The following CCDC25 variants were observed in gnomAD, a reference collection of about 807,000 sequenced individuals.
CCDC25 encodes the protein coiled-coil domain containing 25.
In CCDC25, 16 loss-of-function variants were observed where a neutral mutation model predicts 35.3. The observed-to-expected ratio is 0.45, with a 90% CI of 0.31 to 0.69. CCDC25 has a LOEUF of 0.69. Among genes scored for constraint, CCDC25 ranks in the 30% least tolerant of loss-of-function variants. The probability of loss-of-function intolerance (pLI) is 0.06; values close to 1 mark genes in which losing one functional copy is unlikely to be tolerated. For missense variants in CCDC25, 179 were observed against 250.7 expected (o/e 0.71, Z 1.93); for synonymous variants, 79 against 80.3 (o/e 0.98, Z 0.09).
At chr8:27,766,140 T>G (rs1022048436) in intron 1 of CCDC25, among the ~76,000 whole-genome samples, 3 of 152,220 alleles carry the variant, frequency 2.0e-5, no homozygotes, top group Non-Finnish European at 4.4e-5. Flanking sequence ...ACTAAACTCC[T>G]GAATTCATAG....
Position 27,740,028 on chromosome 8 carries a change from C to T in CCDC25, c.597+444G>A, listed in dbSNP as rs959767353. Among the ~76,000 whole-genome samples the T allele has an allele frequency of 3.3e-5, 5 of 152,138 alleles. No individual in the cohort carries two copies. The East Asian group carries it at 9.6e-4, about 29-fold the overall frequency. On this transcript the variant is annotated intron_variant, in intron 8 of 8. Coordinates refer to ENST00000356537, the MANE Select transcript of CCDC25 (RefSeq NM_018246.3). The stretch of plus-strand genomic sequence containing the variant: ...AAAACAAACAATTTTGTCACTTAGG[C>T]TTCACTGAGTCACATAAGATCTTAG...
In CCDC25 at chr8:27,769,321, C is replaced by T. The variant is rs1404592437; in HGVS notation, c.28+3192G>A. On this transcript the variant is annotated intron_variant, in intron 1 of 8. Transcript: ENST00000356537. ...GAAGTCAATGAAAAAAAAACAGGAC[C>T]CACAAATCTAGTGAAGCATTTTGCT... is the stretch of plus-strand genomic sequence containing the variant. 2.6e-5 allele frequency among the ~76,000 whole-genome samples: 4 copies of T among 152,072 alleles called. No individual in the cohort carries two copies. In the South Asian group the frequency reaches 6.2e-4, roughly 24 times the overall value.
At chr8:27,765,584 T>C (rs924169697) in intron 1 of CCDC25, among the ~76,000 whole-genome samples, 3 of 151,874 alleles carry the variant, frequency 2.0e-5, no homozygotes, top group African/African-American at 4.8e-5. Context: ...TACAGTTCAA[T>C]GGTATCGCCA....
rs1803166446 is a variant in CCDC25, at chr8:27,734,933, G to A, written c.*1283C>T. On this transcript the variant is annotated 3_prime_UTR_variant, in exon 9 of 9. Transcript: ENST00000356537. The stretch of plus-strand genomic sequence containing the variant: ...AAGATGATAGCCCCGTACAGAACCT[G>A]TCAGACTGAGCCTATGATGAATGAG... 6.6e-6 allele frequency: 1 copy of A among 152,154 alleles called. No individual in the cohort carries two copies. Among genetic ancestry groups the A allele is most frequent in the Admixed American group, 6.5e-5 (1 of 15,280 alleles). The allele number at this position is 152,154 out of a possible 1,614,324, so 9.4% of individuals were successfully genotyped here.
At chr8:27,745,711 T>C (rs1012195144) in intron 7 of CCDC25, among the ~76,000 whole-genome samples, 1 of 152,246 alleles carries the variant, frequency 6.6e-6, no homozygotes, top group African/African-American at 2.4e-5. Context: ...AAGCAAAGAC[T>C]TGCAATGTCA....
rs1232363856 is a variant in CCDC25, at chr8:27,736,140, A to G, written c.*76T>C. 18 of 1,405,246 alleles carry G rather than the reference A, an allele frequency of 1.3e-5. 1 individual carries two copies. The highest frequency in any genetic ancestry group is 1.8e-5 in the Non-Finnish European group (18 of 1,013,752). The allele number at this position is 1,405,246 out of a possible 1,614,324, so 87.0% of individuals were successfully genotyped here. On this transcript the variant is annotated 3_prime_UTR_variant, in exon 9 of 9. Transcript: ENST00000356537. ...TTTTGGTTGTATTTTATATTTCAGA[A>G]CACAGATGAAACCAAAAGGTCTGCA... is the stretch of plus-strand genomic sequence containing the variant.
At chr8:27,744,705 A>C (rs1273701622) in intron 7 of CCDC25, among the ~76,000 whole-genome samples, 1 of 152,176 alleles carries the variant, frequency 6.6e-6, no homozygotes, top group Non-Finnish European at 1.5e-5. Flanking sequence ...TCACTTGCCT[A>C]TGTGTGACCT....
At chr8:27,767,995 A>G (rs1165092811) in intron 1 of CCDC25, among the ~76,000 whole-genome samples, 1 of 151,954 alleles carries the variant, frequency 6.6e-6, no homozygotes, top group African/African-American at 2.4e-5. Context: ...TGGGCCCAGG[A>G]GCTCGGGACC....
intron 3 of CCDC25, 26 bp from the exon 4 acceptor site, chr8:27,756,796 G>C (rs900670181): frequency 2.5e-5 from 39 of 1,570,420 alleles, no homozygotes; most frequent in Non-Finnish European, 3.4e-5. Context: ...ACCACTTTTA[G>C]CAAGAGGTAC....
chr8:27,759,790 A>AG (rs916671785), intron 3 of CCDC25, among the ~76,000 whole-genome samples: 2 of 150,496 alleles, frequency 1.3e-5, no homozygotes, highest in African/African-American at 4.9e-5. Context: ...AAAAAAAAAA[A>AG]AAAAAAAAAG....
chr8:27,751,033 T>C (rs1321178479), intron 5 of CCDC25, among the ~76,000 whole-genome samples: 2 of 152,348 alleles, frequency 1.3e-5, no homozygotes, highest in South Asian at 2.1e-4. Context: ...CCTTATTTGC[T>C]AGCTGAGCTA....
At chr8:27,760,595 C>G (rs760966840) in intron 3 of CCDC25, among the ~76,000 whole-genome samples, 2 of 152,134 alleles carry the variant, frequency 1.3e-5, no homozygotes, top group Non-Finnish European at 2.9e-5. Context: ...TGTGCCAGGA[C>G]CTATGCTAGG....
At chr8:27,750,631 C>T (rs1288817123) in intron 5 of CCDC25, among the ~76,000 whole-genome samples, 3 of 152,110 alleles carry the variant, frequency 2.0e-5, no homozygotes, top group Non-Finnish European at 4.4e-5. Flanking sequence ...GTGTGAAATA[C>T]GTGAAGGGAA....
intron 7 of CCDC25, among the ~76,000 whole-genome samples, chr8:27,741,452 G>A (rs956613250): frequency 1.1e-4 from 16 of 152,286 alleles, no homozygotes; most frequent in Non-Finnish European, 1.9e-4. Flanking sequence ...AGGCCAACGC[G>A]GGCAGATCAC....
At chr8:27,749,020 G>A (rs191381288) in intron 5 of CCDC25, among the ~76,000 whole-genome samples, 1 of 152,268 alleles carries the variant, frequency 6.6e-6, no homozygotes, top group East Asian at 1.9e-4. Flanking sequence ...ACTACCACGA[G>A]CTAGCCGAGC....
intron 7 of CCDC25, among the ~76,000 whole-genome samples, chr8:27,744,314 G>A (rs1300923214): frequency 6.6e-6 from 1 of 152,080 alleles, no homozygotes; most frequent in Non-Finnish European, 1.5e-5. Context: ...TATTCATGAC[G>A]TATGACTAGT....
chr8:27,752,043 T>C (rs560827248), intron 5 of CCDC25, among the ~76,000 whole-genome samples: 53 of 152,238 alleles, frequency 3.5e-4, no homozygotes, highest in Non-Finnish European at 6.3e-4. Context: ...GGAAAAAGTA[T>C]GTAAGAGGAG....
intron 3 of CCDC25, among the ~76,000 whole-genome samples, chr8:27,759,376 G>C (rs534161532): frequency 2.6e-5 from 4 of 152,296 alleles, no homozygotes; most frequent in African/African-American, 9.6e-5. Flanking sequence ...GGAGGCCGAG[G>C]TGGGTGGATC....
In CCDC25 at chr8:27,737,130, A is replaced by G. The variant is rs1803260203; in HGVS notation, c.598-885T>C. Among the ~76,000 whole-genome samples the G allele has an allele frequency of 6.6e-6, 1 of 152,160 alleles. No homozygotes were observed. On this transcript the variant is annotated intron_variant, in intron 8 of 8. Transcript: ENST00000356537. The surrounding 1 kb of genome is among the most constrained non-coding windows in gnomAD (Gnocchi z 4.6). The stretch of plus-strand genomic sequence containing the variant: ...CCTGTGAAGTCTGGTTTTAGCTCCA[A>G]CTTCACTTAGTGGTTTTCTCTGTGG...
Sources: allele counts gnomAD v4.1 joint callset (sites outside exome capture counted in the v4.1 genomes callset), GRCh38; gene constraint gnomAD v4.1.1; non-coding constraint Gnocchi (gnomAD v3.1); transcripts MANE v1.5; gene names NCBI Gene and HGNC (gene_info 2026-07-23, HGNC 2026-07-21).